The following ZNF516 variants were observed in gnomAD, a reference collection of about 807,000 sequenced individuals.
The protein encoded by ZNF516 is zinc finger protein 516.
ZNF516 carries 19 observed loss-of-function variants against 79.7 expected under a neutral mutation model. The observed-to-expected ratio is 0.24, with a 90% CI of 0.17 to 0.35. The LOEUF is 0.35. ZNF516 is among the 10% of genes least tolerant of loss of function. ZNF516 has a pLI of 1.00. For synonymous variants in ZNF516, 877 were observed against 739.5 expected (o/e 1.19, Z -3.02); for missense variants, 1,678 against 1,679.5 (o/e 1.00, Z 0.02).
chr18:76,450,192 G>C (rs1233278619), intron 2 of ZNF516, among the ~76,000 whole-genome samples: 1 of 137,784 alleles, frequency 7.3e-6, no homozygotes, highest in Non-Finnish European at 1.6e-5. Context: ...AAAGGGGGGG[G>C]GGTGTTTATT....
chr18:76,374,491 A>C (rs1225711590), intron 4 of ZNF516, among the ~76,000 whole-genome samples: 1 of 152,188 alleles, frequency 6.6e-6, no homozygotes. Context: ...GACTCTTCAT[A>C]TCTACAGAAA....
chr18:76,491,029 C>A, intron 1 of ZNF516: 1 of 985,482 alleles, frequency 1.0e-6, no homozygotes, highest in South Asian at 4.7e-5. Context: ...CAACTCCCAC[C>A]CCAAATCCGC....
intron 4 of ZNF516, among the ~76,000 whole-genome samples, chr18:76,374,688 T>C (rs1190461819): frequency 6.6e-6 from 1 of 152,190 alleles, no homozygotes; most frequent in African/African-American, 2.4e-5. Flanking sequence ...GTGAGATGAC[T>C]TCCTATTCTC....
chr18:76,360,879 GTGTT>G lies in ZNF516; in HGVS notation c.*1615_*1618del, dbSNP rs560171409. 48 of 150,904 alleles carry G rather than the reference GTGTT, an allele frequency of 3.2e-4. No homozygotes were observed. The East Asian group carries it at 5.6e-3, about 18-fold the overall frequency. The allele number at this position is 150,904 out of a possible 1,614,324, so 9.3% of individuals were successfully genotyped here. A position where few individuals can be genotyped will look rare whatever the true frequency, so the allele number is the denominator to read the frequency against. ...AACCCACACTTTAGGGTGTGTGTGT[GTGTT>G]TGTGTGTGTGTGTGTCTGTGTTTAA... On this transcript the variant is annotated 3_prime_UTR_variant, in exon 7 of 7. Coordinates refer to ENST00000443185, the MANE Select transcript of ZNF516 (RefSeq NM_014643.4).
intron 1 of ZNF516, among the ~76,000 whole-genome samples, chr18:76,489,258 T>C (rs1335355661): frequency 6.6e-6 from 1 of 152,208 alleles, no homozygotes; most frequent in Admixed American, 6.5e-5. Context: ...TCAAGAATAA[T>C]CCATGACTAA....
intron 2 of ZNF516, among the ~76,000 whole-genome samples, chr18:76,446,790 C>G (rs1012040167): frequency 6.6e-6 from 1 of 152,216 alleles, no homozygotes; most frequent in African/African-American, 2.4e-5. Context: ...TCCGCCTGTC[C>G]CATCTTTCAA....
At chr18:76,441,178 A>C in intron 3 of ZNF516, 67 bp downstream of exon 3, 10 of 1,536,140 alleles carry the variant, frequency 6.5e-6, no homozygotes, top group Non-Finnish European at 8.7e-6. Context: ...GTATACGTTT[A>C]CCTGGAAGCA....
At chr18:76,435,459 G>C (rs917973270) in intron 3 of ZNF516, among the ~76,000 whole-genome samples, 2 of 152,104 alleles carry the variant, frequency 1.3e-5, no homozygotes, top group Admixed American at 6.5e-5. Context: ...CTGATAACTC[G>C]GAAAGCACAT....
At chr18:76,489,665 T>A (rs1290573880) in intron 1 of ZNF516, among the ~76,000 whole-genome samples, 1 of 151,476 alleles carries the variant, frequency 6.6e-6, no homozygotes, top group Non-Finnish European at 1.5e-5. Context: ...ATTAGTAGAC[T>A]CTGAAGGTTG....
At chr18:76,443,557 G>C (rs570675478) in intron 2 of ZNF516, among the ~76,000 whole-genome samples, 2 of 152,108 alleles carry the variant, frequency 1.3e-5, no homozygotes, top group Non-Finnish European at 2.9e-5. Flanking sequence ...AAGACCATGT[G>C]GGAATTAGGG....
intron 3 of ZNF516, among the ~76,000 whole-genome samples, chr18:76,392,102 C>T (rs962623981): frequency 7.2e-5 from 11 of 152,344 alleles, no homozygotes; most frequent in African/African-American, 2.6e-4. Context: ...AGGAAGCCAG[C>T]GCAGACTCGG....
chr18:76,431,232 A>C (rs919975339), intron 3 of ZNF516, among the ~76,000 whole-genome samples: 4 of 152,008 alleles, frequency 2.6e-5, no homozygotes, highest in Non-Finnish European at 4.4e-5. Context: ...AAAATTACGA[A>C]CTTGTGCCAG....
chr18:76,375,180 C>A lies in ZNF516; in HGVS notation c.3260-3609G>T, dbSNP rs192770796. On this transcript the variant is annotated intron_variant, in intron 4 of 6. Coordinates refer to ENST00000443185, the MANE Select transcript of ZNF516 (RefSeq NM_014643.4). ...CAATAGTCTGACCACACCAAGGCTG[C>A]TGGGTTTCCTTCTGGCTACAACACT... Among the ~76,000 whole-genome samples the A allele has an allele frequency of 8.5e-5, 13 of 152,316 alleles. No individual in the cohort carries two copies. In the East Asian group the frequency reaches 2.5e-3, roughly 29 times the overall value.
intron 3 of ZNF516, among the ~76,000 whole-genome samples, chr18:76,417,107 T>G (rs1183595835): frequency 6.6e-6 from 1 of 152,194 alleles, no homozygotes; most frequent in East Asian, 1.9e-4. Flanking sequence ...TGTGAAGTTC[T>G]GAAATGAAAC....
At position 76,421,526 on chromosome 18, in the gene ZNF516, G is replaced by A. The variant is rs150276219; in HGVS notation, c.1810+19719C>T. 3.2e-3 allele frequency among the ~76,000 whole-genome samples: 495 copies of A among 152,324 alleles called. 2 individuals are homozygous for A. The highest frequency in any genetic ancestry group is 5.7e-3 in the Non-Finnish European group (387 of 68,030). ...GTTCTGTGTTTGCAAAGCTGCCACC[G>A]GGTCCCTCCCCCTGCTCTCCACAGA... On this transcript the variant is annotated intron_variant, in intron 3 of 6. Transcript: ENST00000443185.
At position 76,459,796 on chromosome 18, in the gene ZNF516, C is replaced by T. The variant is rs1036967911; in HGVS notation, c.-158+3232G>A. The stretch of plus-strand genomic sequence containing the variant: ...GAGGATTCAGGGCCAACTGCAGGCC[C>T]CCGGAGACGAGGTTAGACGGTGGCA... On this transcript the variant is annotated intron_variant, in intron 2 of 6. Coordinates refer to ENST00000443185, the MANE Select transcript of ZNF516 (RefSeq NM_014643.4). This position sits in a 1 kb window ranked among gnomAD's most constrained non-coding sequence, Gnocchi z 5.0. Among the ~76,000 whole-genome samples the T allele has an allele frequency of 6.6e-6, 1 of 152,160 alleles. No individual in the cohort carries two copies. Among genetic ancestry groups the T allele is most frequent in the Non-Finnish European group, 1.5e-5 (1 of 68,032 alleles).
At chr18:76,450,551 A>G (rs1038368258) in intron 2 of ZNF516, among the ~76,000 whole-genome samples, 1 of 152,218 alleles carries the variant, frequency 6.6e-6, no homozygotes, top group African/African-American at 2.4e-5. Flanking sequence ...CAAAGCCATT[A>G]AAGAAACCCA....
upstream of ZNF516, chr18:76,495,652 C>CT: frequency 9.5e-7 from 1 of 1,053,156 alleles, no homozygotes; most frequent in South Asian, 1.6e-5. Context: ...GCAGCCCCGG[C>CT]TCCCGGAGGC....
chr18:76,496,306 C>T (rs1255956977), upstream of ZNF516: 3 of 1,289,680 alleles, frequency 2.3e-6, no homozygotes, highest in East Asian at 5.6e-5. Flanking sequence ...TCTCCTTCTC[C>T]TCGTGATAAC....
Sources: gnomAD v4.1 joint callset for allele counts (sites outside exome capture counted in the v4.1 genomes callset) on GRCh38, gnomAD v4.1.1 for gene constraint, Gnocchi (gnomAD v3.1) non-coding constraint, MANE v1.5 for transcripts, NCBI Gene and HGNC (gene_info 2026-07-23, HGNC 2026-07-21) for gene names.